The following STK32B variants were observed in gnomAD, a reference collection of about 807,000 sequenced individuals.
STK32B encodes serine/threonine kinase 32B, also known as serine/threonine-protein kinase 32B.
Under a neutral mutation model 52.6 loss-of-function variants are expected in STK32B, and 43 were observed. The ratio of observed to expected loss-of-function variants is 0.82; its 90% CI spans 0.64 to 1.05. The LOEUF (loss-of-function observed/expected upper bound fraction) is 1.05, where lower values mean the gene tolerates loss of function less well. STK32B is among the 50% of genes least tolerant of loss of function. The pLI, the probability that STK32B is intolerant of heterozygous loss-of-function variation, is 0.00. For synonymous variants in STK32B, 238 were observed against 204.3 expected, an observed-to-expected ratio of 1.17 and a Z score of -1.41; for missense variants, 621 against 534.6, an observed-to-expected ratio of 1.16 and a Z score of -1.59.
At position 5,058,682 on chromosome 4, in the gene STK32B, C is replaced by T. The variant is rs1388892283; in HGVS notation, c.52+6767C>T. ...GGCTCAAGCAATCCTCCTGTGTCAG[C>T]CTACAAAGTAGACCATAGGAACACA... On this transcript the variant is annotated intron_variant, in intron 1 of 11. Transcript: ENST00000282908. This position sits in a 1 kb window ranked among gnomAD's most constrained non-coding sequence, Gnocchi z 4.8. Among the ~76,000 whole-genome samples, 2 of 152,144 alleles carry T rather than the reference C, an allele frequency of 1.3e-5. No individual in the cohort carries two copies. The highest frequency in any genetic ancestry group is 1.3e-4 in the Admixed American group (2 of 15,278).
At chr4:5,077,081 G>C (rs1368567368) in intron 1 of STK32B, among the ~76,000 whole-genome samples, 1 of 152,114 alleles carries the variant, frequency 6.6e-6, no homozygotes, top group East Asian at 1.9e-4. Context: ...TCCCTGAACT[G>C]TAAGCTCCAT....
intron 1 of STK32B, among the ~76,000 whole-genome samples, chr4:5,116,184 G>GCACACACACA (rs146380270): frequency 4.7e-5 from 7 of 149,144 alleles, no homozygotes; most frequent in African/African-American, 1.7e-4. Flanking sequence ...GTGCATGCAC[G>GCACACACACA]CACACACACA....
At chr4:5,388,998 T>TA (rs940866921) in intron 4 of STK32B, among the ~76,000 whole-genome samples, 4 of 151,770 alleles carry the variant, frequency 2.6e-5, no homozygotes, top group African/African-American at 4.8e-5. Context: ...TTTGCAGGAT[T>TA]AAAAAAAAAT....
chr4:5,111,058 T>C (rs976680619), intron 1 of STK32B, among the ~76,000 whole-genome samples: 3 of 151,928 alleles, frequency 2.0e-5, no homozygotes, highest in African/African-American at 7.3e-5. Flanking sequence ...TAAGACCACA[T>C]TGAGATATCA....
Position 5,156,245 on chromosome 4 carries a change from A to G in STK32B, c.109-12054A>G, listed in dbSNP as rs192042236. 1.6e-4 allele frequency among the ~76,000 whole-genome samples: 25 copies of G among 151,666 alleles called. No homozygotes were observed. In the East Asian group the frequency reaches 4.6e-3, roughly 28 times the overall value. On this transcript the variant is annotated intron_variant, in intron 2 of 11. Transcript: ENST00000282908. ...ATAGCGTATACACATACATTGATCTATGATACAGATAACATATATAATATA... is the reference window on the plus strand; with the variant it reads ...ATAGCGTATACACATACATTGATCTGTGATACAGATAACATATATAATATA...
At chr4:5,117,167 A>C (rs1394975297) in intron 1 of STK32B, among the ~76,000 whole-genome samples, 2 of 152,236 alleles carry the variant, frequency 1.3e-5, no homozygotes, top group Non-Finnish European at 2.9e-5. Flanking sequence ...TGGGACCTCC[A>C]GCACTAAGAT....
intron 1 of STK32B, among the ~76,000 whole-genome samples, chr4:5,111,405 G>A (rs1453117859): frequency 5.3e-5 from 8 of 152,164 alleles, no homozygotes; most frequent in African/African-American, 1.9e-4. Flanking sequence ...ATTGTGGTGT[G>A]TGTGTGTGCA....
chr4:5,186,886 G>T (rs1720786282), intron 3 of STK32B, among the ~76,000 whole-genome samples: 6 of 152,182 alleles, frequency 3.9e-5, no homozygotes, highest in Admixed American at 3.9e-4. Flanking sequence ...TTCTTTGTAA[G>T]TGACATGAGT....
intron 9 of STK32B, among the ~76,000 whole-genome samples, chr4:5,462,532 G>C (rs1193271734): frequency 6.6e-6 from 1 of 152,148 alleles, no homozygotes; most frequent in East Asian, 1.9e-4. Context: ...CAATGAGAAA[G>C]TGAAAAGCAC....
At chr4:5,061,219 C>T (rs1742205032) in intron 1 of STK32B, among the ~76,000 whole-genome samples, 1 of 152,064 alleles carries the variant, frequency 6.6e-6, no homozygotes. Context: ...GTCTGAATAT[C>T]TTCTTCTGGC....
At chr4:5,407,014 A>G (rs1381416330) in intron 5 of STK32B, among the ~76,000 whole-genome samples, 1 of 152,144 alleles carries the variant, frequency 6.6e-6, no homozygotes, top group Admixed American at 6.5e-5. Context: ...CCATTTACAT[A>G]TAAGTTCCAT....
intron 2 of STK32B, among the ~76,000 whole-genome samples, chr4:5,147,336 G>A (rs964642536): frequency 2.0e-5 from 3 of 150,878 alleles, no homozygotes; most frequent in African/African-American, 7.4e-5. Context: ...TAGTTGTTTT[G>A]TAGTATTCTG....
At chr4:5,425,336 C>T (rs57007901) in intron 6 of STK32B, among the ~76,000 whole-genome samples, 23,166 of 152,122 alleles carry the variant, frequency 0.15, 2,402 homozygotes, top group East Asian at 0.41. Context: ...CAGTGCTGTG[C>T]ACTCTTTGTA....
At chr4:5,308,189 T>C (rs6812303) in intron 3 of STK32B, among the ~76,000 whole-genome samples, 19,461 of 152,094 alleles carry the variant, frequency 0.13, 2,699 homozygotes, top group African/African-American at 0.36. Context: ...CTAAAGAGCT[T>C]TCAAGAGATT....
intron 11 of STK32B, among the ~76,000 whole-genome samples, chr4:5,488,781 T>A (rs189047185): frequency 1.3e-5 from 2 of 152,300 alleles, no homozygotes; most frequent in South Asian, 2.1e-4. Context: ...TTTCTTCACA[T>A]CTTTCTCTCC....
chr4:5,464,841 A>G (rs1717310939), intron 9 of STK32B, among the ~76,000 whole-genome samples: 1 of 152,176 alleles, frequency 6.6e-6, no homozygotes, highest in Non-Finnish European at 1.5e-5. Flanking sequence ...AGGCAAAACA[A>G]GGCAGAGCCT....
At chr4:5,329,107 G>A (rs1231328162) in intron 3 of STK32B, among the ~76,000 whole-genome samples, 1 of 152,182 alleles carries the variant, frequency 6.6e-6, no homozygotes, top group Non-Finnish European at 1.5e-5. Flanking sequence ...AACGTCCTGG[G>A]TACTCTGGGT....
chr4:5,443,913 G>A (rs1255183091), intron 6 of STK32B, among the ~76,000 whole-genome samples: 6 of 152,220 alleles, frequency 3.9e-5, no homozygotes, highest in Admixed American at 1.3e-4. Context: ...CAGGCTGCTC[G>A]GTGGTCAGGG....
At chr4:5,463,253 C>A (rs1176922540) in intron 9 of STK32B, among the ~76,000 whole-genome samples, 2 of 152,242 alleles carry the variant, frequency 1.3e-5, no homozygotes, top group African/African-American at 4.8e-5. Flanking sequence ...CAGTCCTGCA[C>A]ATCAGGCACA....
Sources: allele counts gnomAD v4.1 joint callset (sites outside exome capture counted in the v4.1 genomes callset), GRCh38; gene constraint gnomAD v4.1.1; non-coding constraint Gnocchi (gnomAD v3.1); transcripts MANE v1.5; gene names NCBI Gene and HGNC (gene_info 2026-07-23, HGNC 2026-07-21).